Variants in PRKG1 observed in about 807,000 individuals in gnomAD.
PRKG1 encodes the protein protein kinase cGMP-dependent 1.
PRKG1 carries 35 observed loss-of-function variants against 88.1 expected under a neutral mutation model. That is an observed-to-expected ratio of 0.40 (90% CI 0.30 to 0.53). PRKG1 has a LOEUF of 0.53. Among genes scored for constraint, PRKG1 ranks in the 20% least tolerant of loss-of-function variants. The pLI is 0.59. For synonymous variants in PRKG1, 303 were observed against 292.5 expected, an observed-to-expected ratio of 1.04 and a Z score of -0.37; for missense variants, 540 against 839.8, an observed-to-expected ratio of 0.64 and a Z score of 4.41.
intron 5 of PRKG1, among the ~76,000 whole-genome samples, chr10:51,946,025 C>T (rs922983556): frequency 1.3e-5 from 2 of 151,774 alleles, no homozygotes; most frequent in African/African-American, 2.4e-5. Flanking sequence ...TGGGGAAGTT[C>T]TCCTGGATAA....
rs1840475542 is a variant in PRKG1 at position 51,848,913 on chromosome 10, T to C, written c.698+44223T>C. Among the ~76,000 whole-genome samples the C allele has an allele frequency of 2.0e-5, 3 of 151,872 alleles. No homozygotes were observed. The South Asian group carries it at 6.2e-4, about 32-fold the overall frequency. On this transcript the variant is annotated intron_variant, in intron 4 of 17. Transcript: ENST00000373980. ...TTTCACCTTGTTCTGGTTCTCTCTATTCCAGTAAGACTACCAGTTCTTAAA... is the reference window on the plus strand; with the variant it reads ...TTTCACCTTGTTCTGGTTCTCTCTACTCCAGTAAGACTACCAGTTCTTAAA...
rs568805754 is a variant in PRKG1 at position 52,105,297 on chromosome 10, T to C, written c.936-28543T>C. On this transcript the variant is annotated intron_variant, in intron 7 of 17. Coordinates refer to ENST00000373980, the MANE Select transcript of PRKG1 (RefSeq NM_006258.4). ...TGATGTCTGTAAAAATACTTTATGT[T>C]ATAGTTTTTAGGTCGCTGGATTACT... Among the ~76,000 whole-genome samples the C allele has an allele frequency of 2.0e-5, 3 of 152,318 alleles. No homozygotes were observed. The East Asian group carries it at 5.8e-4, about 29-fold the overall frequency.
chr10:52,049,338 A>T (rs1373278415), intron 5 of PRKG1, among the ~76,000 whole-genome samples: 2 of 152,148 alleles, frequency 1.3e-5, no homozygotes, highest in African/African-American at 4.8e-5. Context: ...GGGATCCAGC[A>T]TGGCACATGC....
At chr10:51,887,337 T>C (rs895131679) in intron 4 of PRKG1, among the ~76,000 whole-genome samples, 4 of 152,176 alleles carry the variant, frequency 2.6e-5, no homozygotes, top group Admixed American at 2.6e-4. Flanking sequence ...TTAGATTGTT[T>C]CCATATCTTG....
chr10:52,191,574 G>T (rs1839365782), intron 9 of PRKG1, among the ~76,000 whole-genome samples: 1 of 152,042 alleles, frequency 6.6e-6, no homozygotes, highest in South Asian at 2.1e-4. Context: ...CTTTGTAAAG[G>T]TTCATTAAAC....
intron 4 of PRKG1, among the ~76,000 whole-genome samples, chr10:51,902,251 G>A (rs1473635291): frequency 1.3e-5 from 2 of 151,920 alleles, no homozygotes; most frequent in African/African-American, 4.8e-5. Flanking sequence ...CAAACACCTG[G>A]GATTACAGGC....
rs1033836594 is a variant in PRKG1, at chr10:52,258,060, A to G, written c.1173+6394A>G. Among the ~76,000 whole-genome samples the G allele has an allele frequency of 1.3e-4, 18 of 139,996 alleles. 3 individuals carry two copies. The highest frequency in any genetic ancestry group is 3.7e-3 in the Middle Eastern group (1 of 272). The allele number at this position is 139,996 out of a possible 152,430, so 91.8% of individuals were successfully genotyped here. A position where few individuals can be genotyped will look rare whatever the true frequency, so the allele number is the denominator to read the frequency against. Reference sequence around the variant, plus strand: ...TAAAATTTAGATTACATGAATGAAAACAAATATGTTACTTTCTAACCCATC... The same window carrying G: ...TAAAATTTAGATTACATGAATGAAAGCAAATATGTTACTTTCTAACCCATC... On this transcript the variant is annotated intron_variant, in intron 10 of 17. Coordinates refer to ENST00000373980, the MANE Select transcript of PRKG1 (RefSeq NM_006258.4).
chr10:51,535,249 G>T (rs1425723130), intron 3 of PRKG1, among the ~76,000 whole-genome samples: 1 of 152,144 alleles, frequency 6.6e-6, no homozygotes, highest in Non-Finnish European at 1.5e-5. Context: ...CACAGGAAAT[G>T]TTAATATATT....
At chr10:51,537,754 CG>C (rs1219243474) in intron 3 of PRKG1, among the ~76,000 whole-genome samples, 2 of 148,506 alleles carry the variant, frequency 1.3e-5, no homozygotes, top group East Asian at 4.0e-4. Context: ...AAAAATTACT[CG>C]GGGAGCTTTT....
chr10:52,007,032 C>A (rs1844754541), intron 5 of PRKG1, among the ~76,000 whole-genome samples: 1 of 152,060 alleles, frequency 6.6e-6, no homozygotes, highest in Non-Finnish European at 1.5e-5. Context: ...AACTAAACTT[C>A]ATAAGTGAAG....
At chr10:51,277,547 T>G (rs544572230) in intron 2 of PRKG1, among the ~76,000 whole-genome samples, 5 of 152,342 alleles carry the variant, frequency 3.3e-5, no homozygotes, top group African/African-American at 1.2e-4. Flanking sequence ...ATAAATTACC[T>G]TGGACGGTAT....
intron 3 of PRKG1, among the ~76,000 whole-genome samples, chr10:51,574,311 AT>A (rs1368191686): frequency 2.0e-5 from 3 of 151,930 alleles, no homozygotes; most frequent in Admixed American, 1.3e-4. Flanking sequence ...GTTTAAGTAG[AT>A]TTGGATGTTA....
chr10:51,164,445 G>T (rs1333093745), intron 2 of PRKG1, among the ~76,000 whole-genome samples: 1 of 152,010 alleles, frequency 6.6e-6, no homozygotes, highest in Non-Finnish European at 1.5e-5. Context: ...ACAAAGATGG[G>T]GAAAAAACAG....
intron 8 of PRKG1, among the ~76,000 whole-genome samples, chr10:52,147,646 A>G (rs1160391802): frequency 6.6e-6 from 1 of 152,202 alleles, no homozygotes; most frequent in Non-Finnish European, 1.5e-5. Context: ...GATTAAAGGC[A>G]GCGAAACAGA....
intron 5 of PRKG1, among the ~76,000 whole-genome samples, chr10:51,944,835 T>A (rs1402119759): frequency 1.3e-5 from 2 of 152,064 alleles, no homozygotes; most frequent in African/African-American, 2.4e-5. Context: ...TGTTGTAATT[T>A]CTGTTCTTTT....
rs182840467 is a variant in PRKG1 at position 51,778,369 on chromosome 10, C to T, written c.593-26216C>T. ...TAATTGGCAAATTATTTGAAGATGC[C>T]GCCTGCTGTTGCTACCAGTGCTACT... On this transcript the variant is annotated intron_variant, in intron 3 of 17. Transcript: ENST00000373980. Among the ~76,000 whole-genome samples, 8 of 152,196 alleles carry T rather than the reference C, an allele frequency of 5.3e-5. No individual in the cohort carries two copies. In the East Asian group the frequency reaches 7.8e-4, roughly 15 times the overall value.
At chr10:51,601,761 T>A (rs1327148752) in intron 3 of PRKG1, among the ~76,000 whole-genome samples, 1 of 101,534 alleles carries the variant, frequency 9.8e-6, no homozygotes, top group East Asian at 2.3e-4. Flanking sequence ...TTTTTTTTTT[T>A]TTTTTTTTGT....
At chr10:51,076,544 C>A (rs1221677074) in intron 1 of PRKG1, among the ~76,000 whole-genome samples, 1 of 152,180 alleles carries the variant, frequency 6.6e-6, no homozygotes, top group Non-Finnish European at 1.5e-5. Flanking sequence ...TTGAGTGACA[C>A]AGAGCAAACT....
intron 2 of PRKG1, among the ~76,000 whole-genome samples, chr10:51,303,025 G>A (rs536567895): frequency 1.3e-5 from 2 of 152,258 alleles, no homozygotes; most frequent in African/African-American, 4.8e-5. Context: ...AGGGAATAAA[G>A]TAAGCCCCAG....
Sources: allele counts gnomAD v4.1 joint callset (sites outside exome capture counted in the v4.1 genomes callset), GRCh38; gene constraint gnomAD v4.1.1; transcripts MANE v1.5; gene names NCBI Gene and HGNC (gene_info 2026-07-23, HGNC 2026-07-21).